Variants in TAP2 observed in about 807,000 individuals in gnomAD.
TAP2 encodes the protein antigen peptide transporter 2.
A neutral mutation model predicts 74.7 loss-of-function variants in TAP2; 49 were observed. The ratio of observed to expected loss-of-function variants is 0.66; its 90% confidence interval spans 0.52 to 0.83. TAP2 has a LOEUF of 0.83. TAP2 is among the 40% of genes least tolerant of loss of function. TAP2 has a pLI of 0.00. For missense variants in TAP2, 739 were observed against 859.0 expected (o/e 0.86, Z 1.75); for synonymous variants, 306 against 368.4 (o/e 0.83, Z 1.94).
At chr6:32,838,379 C>T in intron 1 of TAP2, 142 bp from the exon 2 acceptor site, 2 of 1,195,324 alleles carry the variant, frequency 1.7e-6, no homozygotes, top group Non-Finnish European at 2.2e-6. Flanking sequence ...CCTGAGTAAC[C>T]GGTGCTCATC....
rs1290191319 is a variant in TAP2 at position 32,837,721 on chromosome 6, A to G, written c.493+20T>C. On this transcript the variant is annotated intron_variant, in intron 2 of 11. Transcript: ENST00000374897. ...GGCCCTTTTACCACCTCCAACTCACAACGTCCTCTCCTGACTCACCCAAAA... is the reference window on the plus strand; with the variant it reads ...GGCCCTTTTACCACCTCCAACTCACGACGTCCTCTCCTGACTCACCCAAAA... 6.2e-7 allele frequency: 1 copy of G among 1,614,202 alleles called. No homozygotes were observed.
Position 32,827,758 on chromosome 6 carries a change from C to T in TAP2, c.*1148G>A. On this transcript the variant is annotated 3_prime_UTR_variant, in exon 12 of 12. Coordinates refer to ENST00000374897, the MANE Select transcript of TAP2 (RefSeq NM_001290043.2). ...GTGTGTGCTCTGAAAAGGATCTCTG[C>T]AGCAGGGCTTGAGAGCACCTGAAGG... The T allele has an allele frequency of 1.2e-6, 1 of 807,900 alleles. No individual in the cohort carries two copies. Among genetic ancestry groups the T allele is most frequent in the Non-Finnish European group, 1.4e-6 (1 of 699,256 alleles). 50.0% of individuals were successfully genotyped at this position (807,900 alleles called of 1,614,324 possible). A position where few individuals can be genotyped will look rare whatever the true frequency, so the allele number is the denominator to read the frequency against.
At chr6:32,830,573 A>T (rs9380327) in intron 8 of TAP2, 45 bp downstream of exon 8, 42 of 1,611,200 alleles carry the variant, frequency 2.6e-5, no homozygotes, top group Non-Finnish European at 3.1e-5. Flanking sequence ...ATTATGCATT[A>T]GCAGCAGAGA....
downstream of TAP2, among the ~76,000 whole-genome samples, chr6:32,823,064 C>T (rs1325954968): frequency 6.6e-6 from 1 of 151,802 alleles, no homozygotes; most frequent in African/African-American, 2.4e-5. Context: ...GGATTACAGG[C>T]GCCCACCACC....
In TAP2 at chr6:32,830,713, G is replaced by A; in HGVS notation, c.1366C>T (p.Pro456Ser). Residue 456 changes from proline to serine, a missense_variant, in exon 8 of 12, where the codon CCT (proline) becomes TCT (serine). Transcript: ENST00000374897. ...YMDRQPNLPS[P>S]GTLAPTTLQG... ...AGAGTGGTGGGGGCAAGCGTGCCAG[G>A]TGAAGGCAGATTTGGCTGTCGGTCC... The A allele has an allele frequency of 6.2e-7, 1 of 1,613,106 alleles. No individual in the cohort carries two copies.
intron 7 of TAP2, among the ~76,000 whole-genome samples, chr6:32,831,360 T>C (rs1351129629): frequency 6.6e-6 from 1 of 152,210 alleles, no homozygotes; most frequent in Admixed American, 6.5e-5. Flanking sequence ...TCTCCCTTCA[T>C]AGACTACTTC....
Position 32,828,836 on chromosome 6 carries a change from G to A in TAP2, c.*70C>T. 6.6e-7 allele frequency: 1 copy of A among 1,508,364 alleles called. No individual in the cohort carries two copies. The highest frequency in any genetic ancestry group is 8.9e-7 in the Non-Finnish European group (1 of 1,121,538). 93.4% of individuals were successfully genotyped at this position (1,508,364 alleles called of 1,614,324 possible). ...TCCTGGAGACGCCCCTGAGAAGAGG[G>A]CCCAGTATCCCTGGGGCCTCAGTCC... is the stretch of plus-strand genomic sequence containing the variant. On this transcript the variant is annotated 3_prime_UTR_variant, in exon 12 of 12. Transcript: ENST00000374897.
In TAP2 at chr6:32,835,796, G is replaced by T. The variant is rs771771105; in HGVS notation, c.609-23C>A. On this transcript the variant is annotated intron_variant, in intron 3 of 11. Transcript: ENST00000374897. The surrounding 1 kb of genome is among the most constrained non-coding windows in gnomAD (Gnocchi z 4.0). Reference sequence around the variant, plus strand: ...GAGCTGTGGGGTAGGAGAATAAGAGGGGAGGGAGATGCAGAGAAGGAGCAA... The same window carrying T: ...GAGCTGTGGGGTAGGAGAATAAGAGTGGAGGGAGATGCAGAGAAGGAGCAA... 8.1e-6 allele frequency: 13 copies of T among 1,613,130 alleles called. No homozygotes were observed. In the South Asian group the frequency reaches 1.1e-4, roughly 14 times the overall value.
rs1475055505 is a variant in TAP2, at chr6:32,835,671, G to A, written c.711C>T (p.Asp237=). The change falls in exon 4 of 12, where the codon GAC becomes GAT. Residue 237 remains aspartate, a synonymous_variant. Coordinates refer to ENST00000374897, the MANE Select transcript of TAP2 (RefSeq NM_001290043.2). This position sits in a 1 kb window ranked among gnomAD's most constrained non-coding sequence, Gnocchi z 4.0. The part of the protein sequence containing the change: ...EQLFSSLLRQ[D]LGFFQETKTG... ...TCTTAGTCTCCTGGAAGAAACCGAGGTCCTGGCGCAGCAGGGAGGAGAAAA... is the reference window on the plus strand; with the variant it reads ...TCTTAGTCTCCTGGAAGAAACCGAGATCCTGGCGCAGCAGGGAGGAGAAAA... 1 of 1,612,992 alleles carries A rather than the reference G, an allele frequency of 6.2e-7. No individual in the cohort carries two copies. The highest frequency in any genetic ancestry group is 8.5e-7 in the Non-Finnish European group (1 of 1,180,048).
In TAP2 at chr6:32,835,032, T is replaced by C; in HGVS notation, c.945+122A>G. 9.9e-7 allele frequency: 1 copy of C among 1,010,134 alleles called. No individual in the cohort carries two copies. Among genetic ancestry groups the C allele is most frequent in the South Asian group, 1.4e-5 (1 of 73,354 alleles). The allele number at this position is 1,010,134 out of a possible 1,614,324, so 62.6% of individuals were successfully genotyped here. A position where few individuals can be genotyped will look rare whatever the true frequency, so the allele number is the denominator to read the frequency against. On this transcript the variant is annotated intron_variant, in intron 5 of 11. Coordinates refer to ENST00000374897, the MANE Select transcript of TAP2 (RefSeq NM_001290043.2). This position sits in a 1 kb window ranked among gnomAD's most constrained non-coding sequence, Gnocchi z 4.0. ...AATGTAGTATATACTACAATATACC[T>C]TCTCCCCTAATGGCTGAGAAGAGAA... is the stretch of plus-strand genomic sequence containing the variant.
chr6:32,832,788 C>T lies in TAP2; in HGVS notation c.982G>A (p.Ala328Thr), dbSNP rs773759289. The change falls in exon 6 of 12, where the codon GCG (alanine) becomes ACG (threonine). Residue 328 changes from alanine to threonine, a missense_variant. Ala to Thr is a moderately conservative substitution (Grantham distance 58). Transcript: ENST00000374897. The surrounding 1 kb of genome is among the most constrained non-coding windows in gnomAD (Gnocchi z 5.9). ...ACGGCTTCCCGCACCACCTGCCCCGCCCTGGCCACTGCATCCTGGATCTCC... is the reference window on the plus strand; with the variant it reads ...ACGGCTTCCCGCACCACCTGCCCCGTCCTGGCCACTGCATCCTGGATCTCC... ...LREIQDAVAR[A>T]GQVVREAVGG... is the part of the protein sequence containing the mutation. 30 of 1,612,886 alleles carry T rather than the reference C, an allele frequency of 1.9e-5. No homozygotes were observed. Among genetic ancestry groups the T allele is most frequent in the Non-Finnish European group, 2.5e-5 (30 of 1,180,056 alleles).
At chr6:32,831,552 A>C (rs34085630) in intron 7 of TAP2, among the ~76,000 whole-genome samples, 2,114 of 152,214 alleles carry the variant, frequency 0.014, 26 homozygotes, top group Middle Eastern at 0.031. Flanking sequence ...ACCAAAAAAA[A>C]CCCCTCAATC....
At position 32,830,607 on chromosome 6, in the gene TAP2, C is replaced by T. The variant is rs771715834; in HGVS notation, c.1461+11G>A. On this transcript the variant is annotated intron_variant, in intron 8 of 11. Transcript: ENST00000374897. Reference sequence around the variant, plus strand: ...GAGCAAGGGTCCAGGTTTCCTCCCTCTTTCAGGCACCTTGAGCACAGGCCT... The same window carrying T: ...GAGCAAGGGTCCAGGTTTCCTCCCTTTTTCAGGCACCTTGAGCACAGGCCT... 9 of 1,612,938 alleles carry T rather than the reference C, an allele frequency of 5.6e-6. No individual in the cohort carries two copies. In the Admixed American group the frequency reaches 1.3e-4, roughly 24 times the overall value.
intron 8 of TAP2, 22 bp from the exon 9 acceptor site, chr6:32,830,462 T>G: frequency 6.2e-7 from 1 of 1,605,724 alleles, no homozygotes; most frequent in Non-Finnish European, 8.5e-7. Flanking sequence ...GAAAAAGAGT[T>G]AAGGGCCTGC....
downstream of TAP2, among the ~76,000 whole-genome samples, chr6:32,824,021 CTTGAT>C (rs1381087221): frequency 4.0e-5 from 6 of 151,666 alleles, no homozygotes; most frequent in African/African-American, 1.5e-4. Context: ...AATACGAGCA[CTTGAT>C]TTATTAGTTT....
chr6:32,829,109 A>G (rs1274684326), intron 11 of TAP2, 75 bp from the exon 12 acceptor site: 38 of 1,515,952 alleles, frequency 2.5e-5, no homozygotes, highest in Non-Finnish European at 3.4e-5. Context: ...ACCATCTCTT[A>G]TGATTTAGGG....
At chr6:32,822,149 T>C, downstream of TAP2, 4 of 713,814 alleles carry the variant, frequency 5.6e-6, no homozygotes, top group Non-Finnish European at 9.6e-6. Context: ...CGAAGTATTG[T>C]TTTACATGTA....
chr6:32,829,792 G>A, intron 10 of TAP2, 138 bp downstream of exon 10: 2 of 1,252,524 alleles, frequency 1.6e-6, no homozygotes, highest in Non-Finnish European at 2.3e-6. Context: ...CAGTGTGTGG[G>A]GAAGGAGACG....
chr6:32,822,351 C>T, downstream of TAP2: 3 of 1,358,572 alleles, frequency 2.2e-6, no homozygotes, highest in Non-Finnish European at 3.1e-6. Context: ...ACCCCTTGAT[C>T]TTAATGGGTG....
Sources: allele counts gnomAD v4.1 joint callset (sites outside exome capture counted in the v4.1 genomes callset), GRCh38; gene constraint gnomAD v4.1.1; non-coding constraint Gnocchi (gnomAD v3.1); transcripts MANE v1.5; gene names NCBI Gene and HGNC (gene_info 2026-07-23, HGNC 2026-07-21).